Variants in HYAL4 observed in about 807,000 individuals in gnomAD.
HYAL4 encodes hyaluronidase 4.
HYAL4 carries 37 observed loss-of-function variants against 35.2 expected under a neutral mutation model. The observed-to-expected ratio is 1.05, with a 90% CI of 0.81 to 1.38. HYAL4 has a LOEUF of 1.38. Ranked by LOEUF, HYAL4 falls within the 40% of genes most tolerant of loss-of-function variation. HYAL4 has a pLI of 0.00. For synonymous variants in HYAL4, 198 were observed against 203.2 expected, an observed-to-expected ratio of 0.97 and a Z score of 0.22; for missense variants, 572 against 572.4, an observed-to-expected ratio of 1.00 and a Z score of 0.01.
chr7:123,798,900 A>G, the HYAL4 span, among the ~76,000 whole-genome samples: 1 of 152,188 alleles, frequency 6.6e-6, no homozygotes, highest in Non-Finnish European at 1.5e-5. Flanking sequence ...GGGGAGGGAA[A>G]TAGGAAAGGA....
intron 4 of HYAL4, chr7:123,876,126 A>G (rs908180329): frequency 4.5e-6 from 2 of 443,978 alleles, no homozygotes; most frequent in Admixed American, 5.1e-5. Flanking sequence ...CGTAATAGGA[A>G]CCATATACAC....
intron 3 of HYAL4, 96 bp from the exon 4 acceptor site, chr7:123,874,665 A>T: frequency 1.4e-6 from 1 of 701,504 alleles, no homozygotes; most frequent in South Asian, 1.6e-5. Context: ...TGGGCCTCCC[A>T]AAGTGCTGGG....
rs769950142 is a variant in HYAL4, at chr7:123,874,818, A to G, written c.1012A>G (p.Ile338Val). Reference sequence around the variant, plus strand: ...TGCCTTGGGAGCTGCAGGCATTGTTATTTGGGGAGACATGAATTTAACTGC... The same window carrying G: ...TGCCTTGGGAGCTGCAGGCATTGTTGTTTGGGGAGACATGAATTTAACTGC... ...SAALGAAGIV[I>V]WGDMNLTASK... Residue 338 changes from isoleucine to valine, a missense_variant, in exon 4 of 5, where the codon ATT (isoleucine) becomes GTT (valine). Transcript: ENST00000223026. 1 of 1,607,384 alleles carries G rather than the reference A, an allele frequency of 6.2e-7. No homozygotes were observed.
At chr7:123,851,019 G>T (rs1035462823) in intron 2 of HYAL4, among the ~76,000 whole-genome samples, 1 of 152,054 alleles carries the variant, frequency 6.6e-6, no homozygotes, top group African/African-American at 2.4e-5. Context: ...TATTTTTAAA[G>T]AATTAAAAAA....
chr7:123,799,912 G>A, the HYAL4 span, among the ~76,000 whole-genome samples: 1 of 152,004 alleles, frequency 6.6e-6, no homozygotes, highest in Non-Finnish European at 1.5e-5. Flanking sequence ...TGTAATCCCA[G>A]CCCTTTTGGA....
chr7:123,796,600 TAAGTG>T, the HYAL4 span, among the ~76,000 whole-genome samples: 1 of 152,098 alleles, frequency 6.6e-6, no homozygotes, highest in Non-Finnish European at 1.5e-5. Flanking sequence ...ATGTCCAAGA[TAAGTG>T]AAAACGTGTC....
chr7:123,838,992 T>A (rs35634917), intron 1 of HYAL4, among the ~76,000 whole-genome samples: 17,509 of 151,678 alleles, frequency 0.12, 1,115 homozygotes, highest in Non-Finnish European at 0.14. Context: ...GTTTTTTTTT[T>A]AAATTATTAT....
the HYAL4 span, among the ~76,000 whole-genome samples, chr7:123,773,770 T>G: frequency 1.3e-5 from 2 of 152,196 alleles, no homozygotes; most frequent in African/African-American, 4.8e-5. Context: ...TCAATCTAGA[T>G]GGGAATTTTT....
the HYAL4 span, among the ~76,000 whole-genome samples, chr7:123,812,714 G>A: frequency 2.0e-5 from 3 of 152,086 alleles, no homozygotes; most frequent in Non-Finnish European, 1.5e-5. Context: ...TACGCAATGT[G>A]CAGTCATGAC....
At chr7:123,871,487 C>T (rs367710789) in intron 3 of HYAL4, among the ~76,000 whole-genome samples, 4 of 152,090 alleles carry the variant, frequency 2.6e-5, no homozygotes, top group African/African-American at 4.8e-5. Context: ...CCACTGCGCC[C>T]GGCCCCGCCC....
chr7:123,825,958 A>G (rs776332404), upstream of HYAL4, among the ~76,000 whole-genome samples: 1 of 151,854 alleles, frequency 6.6e-6, no homozygotes, highest in African/African-American at 2.4e-5. Flanking sequence ...AAATAATCAA[A>G]ACTATTGCAA....
chr7:123,877,270 C>A lies in HYAL4; in HGVS notation c.*115C>A. ...TCTATTGAGAGATATTATAAGTAGA[C>A]ATTATGTATGTCACTTAACATAAAC... On this transcript the variant is annotated 3_prime_UTR_variant, in exon 5 of 5. Transcript: ENST00000223026. 9.9e-7 allele frequency: 1 copy of A among 1,010,156 alleles called. No individual in the cohort carries two copies. Among genetic ancestry groups the A allele is most frequent in the Non-Finnish European group, 1.4e-6 (1 of 691,760 alleles). 62.6% of individuals were successfully genotyped at this position (1,010,156 alleles called of 1,614,324 possible).
upstream of HYAL4, among the ~76,000 whole-genome samples, chr7:123,827,615 C>T (rs893461249): frequency 2.0e-5 from 3 of 152,094 alleles, no homozygotes; most frequent in Non-Finnish European, 4.4e-5. Context: ...AGACTGCCTC[C>T]GATTGAATGT....
At chr7:123,797,542 A>T in the HYAL4 span, among the ~76,000 whole-genome samples, 1 of 152,262 alleles carries the variant, frequency 6.6e-6, no homozygotes, top group African/African-American at 2.4e-5. Flanking sequence ...AACAAAAATA[A>T]AAACTATTAT....
chr7:123,817,574 G>T, the HYAL4 span, among the ~76,000 whole-genome samples: 1 of 137,534 alleles, frequency 7.3e-6, no homozygotes, highest in African/African-American at 2.7e-5. Context: ...GCAGTGGTAT[G>T]ATCTTGGCTC....
the HYAL4 span, among the ~76,000 whole-genome samples, chr7:123,770,502 C>T: frequency 6.7e-6 from 1 of 148,470 alleles, no homozygotes. Flanking sequence ...GAAAAAGTAA[C>T]ATTAAAGTTG....
At chr7:123,806,395 A>G in the HYAL4 span, among the ~76,000 whole-genome samples, 14 of 151,956 alleles carry the variant, frequency 9.2e-5, no homozygotes, top group African/African-American at 3.4e-4. Context: ...AAATACTGCC[A>G]ATTTCTCCAT....
At chr7:123,856,951 C>G (rs571647729) in intron 2 of HYAL4, among the ~76,000 whole-genome samples, 35 of 152,216 alleles carry the variant, frequency 2.3e-4, no homozygotes, top group African/African-American at 4.1e-4. Flanking sequence ...GGATTCCACC[C>G]ATTTCGAACT....
At chr7:123,867,388 C>T (rs1215694790) in intron 2 of HYAL4, among the ~76,000 whole-genome samples, 4 of 152,058 alleles carry the variant, frequency 2.6e-5, no homozygotes, top group Non-Finnish European at 5.9e-5. Context: ...GTCAGTTAGG[C>T]AATCATGATG....
Sources: allele counts gnomAD v4.1 joint callset (sites outside exome capture counted in the v4.1 genomes callset), GRCh38; gene constraint gnomAD v4.1.1; transcripts MANE v1.5; gene names NCBI Gene and HGNC (gene_info 2026-07-23, HGNC 2026-07-21).